The following ERICH3 variants were observed in gnomAD, a reference collection of about 807,000 sequenced individuals.
ERICH3 encodes the protein glutamate-rich protein 3.
ERICH3 carries 126 observed loss-of-function variants against 131.1 expected under a neutral mutation model. The ratio of observed to expected loss-of-function variants is 0.96; its 90% CI spans 0.83 to 1.11. The LOEUF (loss-of-function observed/expected upper bound fraction) is 1.11, where lower values mean the gene tolerates loss of function less well. ERICH3 is among the 50% of genes most tolerant of loss of function. ERICH3 has a pLI of 0.00. For synonymous variants in ERICH3, 695 were observed against 644.6 expected, an observed-to-expected ratio of 1.08 and a Z score of -1.18; for missense variants, 2,050 against 1,810.7, an observed-to-expected ratio of 1.13 and a Z score of -2.40.
intron 5 of ERICH3, 51 bp from the exon 6 acceptor site, chr1:74,636,489 T>C (rs1646390762): frequency 6.6e-7 from 1 of 1,517,758 alleles, no homozygotes; most frequent in Admixed American, 1.9e-5. Context: ...TTGACATGTT[T>C]CCAGAACCAA....
chr1:74,656,994 TTTG>T (rs1646591086), intron 1 of ERICH3, among the ~76,000 whole-genome samples: 2 of 152,302 alleles, frequency 1.3e-5, no homozygotes, highest in Admixed American at 6.5e-5. Context: ...CCAGCCAGGA[TTTG>T]TTGAGTAAGT....
At chr1:74,649,342 G>A (rs1456612524) in intron 1 of ERICH3, 27 bp from the exon 2 acceptor site, 6 of 1,556,938 alleles carry the variant, frequency 3.9e-6, no homozygotes, top group Non-Finnish European at 5.3e-6. Flanking sequence ...AAACCAATAA[G>A]CTTTTACAAG....
intron 1 of ERICH3, among the ~76,000 whole-genome samples, chr1:74,668,722 T>C (rs754493797): frequency 2.1e-4 from 32 of 152,154 alleles, no homozygotes; most frequent in Non-Finnish European, 3.4e-4. Context: ...ATCTATAACA[T>C]GAAATGCTTT....
chr1:74,652,551 T>C (rs1249805381), intron 1 of ERICH3, among the ~76,000 whole-genome samples: 4 of 152,116 alleles, frequency 2.6e-5, no homozygotes, highest in Non-Finnish European at 4.4e-5. Context: ...CTTTTCTTTT[T>C]TTTTTTTCTT....
chr1:74,577,249 A>AG (rs1319999867), intron 12 of ERICH3: 1 of 208,722 alleles, frequency 4.8e-6, no homozygotes, highest in Non-Finnish European at 9.4e-6. Context: ...TTGAAAGAAA[A>AG]AAAAAAAGTG....
intron 1 of ERICH3, among the ~76,000 whole-genome samples, chr1:74,649,703 C>T (rs1425266450): frequency 6.6e-6 from 1 of 152,138 alleles, no homozygotes; most frequent in Non-Finnish European, 1.5e-5. Flanking sequence ...CAGATTCTTC[C>T]AGCGTCTCAT....
At chr1:74,634,432 T>G (rs138270819) in intron 6 of ERICH3, among the ~76,000 whole-genome samples, 426 of 152,122 alleles carry the variant, frequency 2.8e-3, no homozygotes, top group African/African-American at 9.9e-3. Context: ...TGTCTTTCAA[T>G]AATACATACC....
intron 1 of ERICH3, among the ~76,000 whole-genome samples, chr1:74,650,215 A>C (rs1646520748): frequency 1.3e-5 from 2 of 152,132 alleles, no homozygotes; most frequent in South Asian, 4.1e-4. Context: ...CAGCACCAAA[A>C]CAATAATTCA....
chr1:74,573,264 C>T lies in ERICH3; in HGVS notation c.2446G>A (p.Ala816Thr). The T allele has an allele frequency of 6.3e-7, 1 of 1,599,448 alleles. No individual in the cohort carries two copies. The highest frequency in any genetic ancestry group is 1.3e-5 in the African/African-American group (1 of 74,386). The change falls in exon 14 of 15, where the codon GCA becomes ACA. Residue 816 changes from alanine to threonine, a missense_variant. Coordinates refer to ENST00000326665, the MANE Select transcript of ERICH3 (RefSeq NM_001002912.5). The stretch of plus-strand genomic sequence containing the variant: ...TCTTCTGCCAATTCTGGCTGCTCTG[C>T]TGTTGGCTTCCACGCCCTCAAGGGA... ...EAPLRAWKPT[A>T]EQPELAEEFT...
At chr1:74,636,965 A>G (rs1174558823) in intron 5 of ERICH3, among the ~76,000 whole-genome samples, 1 of 152,234 alleles carries the variant, frequency 6.6e-6, no homozygotes, top group East Asian at 1.9e-4. Context: ...AATTTATTCA[A>G]TGGCATCCTT....
At chr1:74,641,522 T>A in intron 4 of ERICH3, 63 bp from the exon 5 acceptor site, 7 of 1,517,056 alleles carry the variant, frequency 4.6e-6, no homozygotes, top group East Asian at 2.3e-5. Context: ...AGATTATGCA[T>A]GACATGTGCG....
intron 3 of ERICH3, among the ~76,000 whole-genome samples, chr1:74,643,739 A>T (rs1005967432): frequency 3.9e-5 from 6 of 152,152 alleles, no homozygotes; most frequent in African/African-American, 1.4e-4. Context: ...GCACTGAAGC[A>T]GAGGATAATG....
rs758763526 is a variant in ERICH3, at chr1:74,571,718, C to A, written c.3992G>T (p.Gly1331Val). 2 of 1,614,164 alleles carry A rather than the reference C, an allele frequency of 1.2e-6. No homozygotes were observed. Among genetic ancestry groups the A allele is most frequent in the Non-Finnish European group, 1.7e-6 (2 of 1,180,032 alleles). ...EGEGNTQKNE[G>V]MGGGRVVAVE... ...AGCCACAACCCTTCCTCCTCCCATG[C>A]CCTCATTCTTTTGTGTGTTTCCTTC... The change falls in exon 14 of 15, where the codon GGC becomes GTC. Residue 1331 changes from glycine to valine, a missense_variant. By Grantham distance (109) the Gly-to-Val change is moderately radical. Coordinates refer to ENST00000326665, the MANE Select transcript of ERICH3 (RefSeq NM_001002912.5).
At chr1:74,591,338 C>T (rs1241759768) in intron 11 of ERICH3, among the ~76,000 whole-genome samples, 2 of 152,154 alleles carry the variant, frequency 1.3e-5, no homozygotes, top group Admixed American at 6.5e-5. Flanking sequence ...AACCTGATCC[C>T]ATGGGCACTT....
At chr1:74,638,097 T>C (rs189940461) in intron 5 of ERICH3, among the ~76,000 whole-genome samples, 3 of 152,236 alleles carry the variant, frequency 2.0e-5, no homozygotes, top group African/African-American at 7.2e-5. Flanking sequence ...CTTTAAAGAA[T>C]GGTGAACAAC....
intron 12 of ERICH3, among the ~76,000 whole-genome samples, chr1:74,588,491 T>G (rs1273992735): frequency 6.6e-6 from 1 of 152,122 alleles, no homozygotes; most frequent in African/African-American, 2.4e-5. Context: ...TAGACCCCAG[T>G]GGTTTAACAG....
intron 10 of ERICH3, among the ~76,000 whole-genome samples, chr1:74,603,787 G>A (rs1267557099): frequency 2.6e-5 from 4 of 151,864 alleles, no homozygotes; most frequent in Non-Finnish European, 5.9e-5. Flanking sequence ...TCACTTTATT[G>A]ATAAAAGATG....
intron 11 of ERICH3, among the ~76,000 whole-genome samples, chr1:74,591,431 A>G (rs1647596531): frequency 6.6e-6 from 1 of 152,134 alleles, no homozygotes; most frequent in Admixed American, 6.6e-5. Context: ...GACATTAGCT[A>G]TGGGCCACCC....
intron 13 of ERICH3, among the ~76,000 whole-genome samples, chr1:74,575,529 AT>A (rs1647035943): frequency 6.6e-6 from 1 of 152,238 alleles, no homozygotes; most frequent in African/African-American, 2.4e-5. Context: ...ATTACAGATT[AT>A]TACCGTATTT....
Sources: allele counts gnomAD v4.1 joint callset (sites outside exome capture counted in the v4.1 genomes callset), GRCh38; gene constraint gnomAD v4.1.1; transcripts MANE v1.5; gene names NCBI Gene and HGNC (gene_info 2026-07-23, HGNC 2026-07-21).